CPQ: variants seen among roughly 807,000 people sequenced by gnomAD.
CPQ encodes the protein carboxypeptidase Q.
In CPQ, 37 loss-of-function variants were observed where a neutral mutation model predicts 45.7. The observed-to-expected ratio is 0.81, with a 90% confidence interval of 0.62 to 1.07. CPQ has a LOEUF of 1.07. Among genes scored for constraint, CPQ ranks in the 50% least tolerant of loss-of-function variants. CPQ has a pLI of 0.00. For synonymous variants in CPQ, 186 were observed against 205.8 expected (o/e 0.90, Z 0.82); for missense variants, 537 against 572.9 (o/e 0.94, Z 0.64).
intron 1 of CPQ, among the ~76,000 whole-genome samples, chr8:96,695,724 A>T (rs1243194320): frequency 6.6e-6 from 1 of 151,568 alleles, no homozygotes; most frequent in Non-Finnish European, 1.5e-5. Flanking sequence ...AGAAATGCAA[A>T]TTAAAACCAC....
At chr8:97,136,421 GAATT>G (rs1331397638) in intron 7 of CPQ, among the ~76,000 whole-genome samples, 1 of 152,148 alleles carries the variant, frequency 6.6e-6, no homozygotes, top group Non-Finnish European at 1.5e-5. Context: ...CTATAATAAA[GAATT>G]AATTGAGTAC....
At chr8:97,140,173 C>G (rs915724269) in intron 7 of CPQ, among the ~76,000 whole-genome samples, 1 of 150,716 alleles carries the variant, frequency 6.6e-6, no homozygotes, top group Non-Finnish European at 1.5e-5. Context: ...AATTCCTAGA[C>G]AAATGTAATT....
At chr8:96,998,962 C>T (rs1028281472) in intron 5 of CPQ, among the ~76,000 whole-genome samples, 2 of 151,960 alleles carry the variant, frequency 1.3e-5, no homozygotes, top group African/African-American at 2.4e-5. Flanking sequence ...ATGATACTAG[C>T]GTAGCAAAAG....
chr8:96,703,672 C>A (rs1193807998), intron 1 of CPQ, among the ~76,000 whole-genome samples: 2 of 151,950 alleles, frequency 1.3e-5, no homozygotes, highest in African/African-American at 2.4e-5. Flanking sequence ...TAGTTTATTT[C>A]CCTCAATCCT....
At chr8:96,711,042 A>G (rs1809601936) in intron 1 of CPQ, among the ~76,000 whole-genome samples, 1 of 152,052 alleles carries the variant, frequency 6.6e-6, no homozygotes, top group Admixed American at 6.6e-5. Context: ...TTAGGTGCAC[A>G]TATATTTAGG....
At chr8:96,827,256 C>T (rs1811392183) in intron 2 of CPQ, among the ~76,000 whole-genome samples, 1 of 151,950 alleles carries the variant, frequency 6.6e-6, no homozygotes, top group South Asian at 2.1e-4. Flanking sequence ...TCTCTTATGT[C>T]CTATTCTTCT....
intron 1 of CPQ, among the ~76,000 whole-genome samples, chr8:96,660,123 C>A (rs1007932889): frequency 1.3e-5 from 2 of 152,176 alleles, no homozygotes; most frequent in Non-Finnish European, 2.9e-5. Context: ...CAAAATCCTG[C>A]AGACTGGGTA....
chr8:97,076,843 T>C (rs556599190), intron 7 of CPQ, among the ~76,000 whole-genome samples: 5 of 152,254 alleles, frequency 3.3e-5, no homozygotes, highest in African/African-American at 1.2e-4. Flanking sequence ...ACAGGGAGTT[T>C]AGGGGTGCTG....
At chr8:97,043,684 G>C (rs1810176502) in intron 6 of CPQ, among the ~76,000 whole-genome samples, 1 of 152,070 alleles carries the variant, frequency 6.6e-6, no homozygotes, top group Non-Finnish European at 1.5e-5. Context: ...CAGGCCTGGT[G>C]GTGACAAAAT....
intron 3 of CPQ, among the ~76,000 whole-genome samples, chr8:96,851,456 AG>A (rs1273960428): frequency 6.6e-6 from 1 of 152,192 alleles, no homozygotes; most frequent in African/African-American, 2.4e-5. Context: ...AGGCACTGGC[AG>A]CTTCTGTTGT....
In CPQ at chr8:97,028,041, A is replaced by T. The variant is rs1160293884; in HGVS notation, c.962-1362A>T. Among the ~76,000 whole-genome samples the T allele has an allele frequency of 2.0e-5, 3 of 152,228 alleles. No individual in the cohort carries two copies. In the East Asian group the frequency reaches 5.8e-4, roughly 29 times the overall value. On this transcript the variant is annotated intron_variant, in intron 5 of 7. Coordinates refer to ENST00000220763, the MANE Select transcript of CPQ (RefSeq NM_016134.4). ...TGGCCAAGATGAGAATTTGGATTTT[A>T]TATGGACTTAGATGGAAACACCAAT... is the stretch of plus-strand genomic sequence containing the variant.
chr8:96,838,757 A>T (rs1036428396), intron 3 of CPQ, among the ~76,000 whole-genome samples: 1 of 152,066 alleles, frequency 6.6e-6, no homozygotes, highest in Non-Finnish European at 1.5e-5. Context: ...TTGTCTGAGG[A>T]TGTAGAGTAA....
intron 6 of CPQ, chr8:97,055,582 C>G (rs9297272): frequency 0.15 from 23,440 of 152,150 alleles, 4,497 homozygotes; most frequent in African/African-American, 0.45. Flanking sequence ...CAGTACTCCA[C>G]GTGAAGGCTG....
At chr8:96,721,249 C>T (rs1809760278) in intron 1 of CPQ, among the ~76,000 whole-genome samples, 1 of 151,910 alleles carries the variant, frequency 6.6e-6, no homozygotes, top group Non-Finnish European at 1.5e-5. Flanking sequence ...AGACTGCTGT[C>T]CTCTGCTTGG....
In CPQ at chr8:96,912,794, G is replaced by A. The variant is rs559099848; in HGVS notation, c.849+32789G>A. 6.6e-5 allele frequency among the ~76,000 whole-genome samples: 10 copies of A among 152,192 alleles called. No homozygotes were observed. In the East Asian group the frequency reaches 1.2e-3, roughly 18 times the overall value. On this transcript the variant is annotated intron_variant, in intron 4 of 7. Coordinates refer to ENST00000220763, the MANE Select transcript of CPQ (RefSeq NM_016134.4). ...TAGTCTCAGAGATCAAATCTCCCTC[G>A]GCTACATAGAATGATTCCATACGCT...
intron 5 of CPQ, among the ~76,000 whole-genome samples, chr8:97,027,172 A>T (rs2130465768): frequency 6.6e-6 from 1 of 152,332 alleles, no homozygotes; most frequent in East Asian, 1.9e-4. Context: ...ATTCCTTTGA[A>T]AGAAACCGAA....
chr8:97,050,769 T>C (rs989425161), intron 6 of CPQ, among the ~76,000 whole-genome samples: 4 of 152,154 alleles, frequency 2.6e-5, no homozygotes, highest in African/African-American at 9.7e-5. Flanking sequence ...CTTGTACCCA[T>C]TGTCCTGACA....
chr8:97,064,456 G>C (rs1206288978), intron 6 of CPQ, among the ~76,000 whole-genome samples: 3 of 152,184 alleles, frequency 2.0e-5, no homozygotes, highest in Non-Finnish European at 4.4e-5. Flanking sequence ...ATCCTCAGCT[G>C]AAAGCTGAGG....
Position 96,767,635 on chromosome 8 carries a change from C to CTTTTTTTTTTTTTT in CPQ, c.-34-17216_-34-17203dup, listed in dbSNP as rs1172189500. 2.3e-3 allele frequency among the ~76,000 whole-genome samples: 92 copies of CTTTTTTTTTTTTTT among 39,318 alleles called. 23 individuals carry two copies. Among genetic ancestry groups the CTTTTTTTTTTTTTT allele is most frequent in the Non-Finnish European group, 3.3e-3 (76 of 22,878 alleles). 25.8% of individuals were successfully genotyped at this position (39,318 alleles called of 152,430 possible). ...AATCCCTTTCAGCTGGTTACCTATG[C>CTTTTTTTTTTTTTT]TTTTTTTTTTTTTTTTTTTTTTTTT... On this transcript the variant is annotated intron_variant, in intron 1 of 7. Coordinates refer to ENST00000220763, the MANE Select transcript of CPQ (RefSeq NM_016134.4).
Sources: allele counts gnomAD v4.1 joint callset (sites outside exome capture counted in the v4.1 genomes callset), GRCh38; gene constraint gnomAD v4.1.1; transcripts MANE v1.5; gene names NCBI Gene and HGNC (gene_info 2026-07-23, HGNC 2026-07-21).